WDR72: variants seen among roughly 807,000 people sequenced by gnomAD.
The protein encoded by WDR72 is WD repeat-containing protein 72.
WDR72 carries 120 observed loss-of-function variants against 124.2 expected under a neutral mutation model. That is an observed-to-expected ratio of 0.97 (90% CI 0.83 to 1.12). WDR72 has a LOEUF of 1.12. Among genes scored for constraint, WDR72 ranks in the 50% most tolerant of loss-of-function variants. The pLI is 0.00. For synonymous variants in WDR72, 452 were observed against 441.7 expected (o/e 1.02, Z -0.29); for missense variants, 1,387 against 1,278.8 (o/e 1.08, Z -1.29).
intron 2 of WDR72, among the ~76,000 whole-genome samples, chr15:53,728,702 T>C (rs2018114903): frequency 6.6e-6 from 1 of 152,182 alleles, no homozygotes; most frequent in Non-Finnish European, 1.5e-5. Flanking sequence ...CCTTTCTCTA[T>C]GCTTTTAAGA....
At chr15:53,701,053 C>G (rs2017158380) in intron 12 of WDR72, among the ~76,000 whole-genome samples, 1 of 152,116 alleles carries the variant, frequency 6.6e-6, no homozygotes, top group African/African-American at 2.4e-5. Context: ...TGTCCTTTTA[C>G]TACAGAGGAA....
intron 12 of WDR72, among the ~76,000 whole-genome samples, chr15:53,701,755 A>G (rs1017967743): frequency 6.6e-6 from 1 of 152,104 alleles, no homozygotes; most frequent in South Asian, 2.1e-4. Flanking sequence ...AGATTCCTAT[A>G]TTGTTTGACT....
intron 14 of WDR72, among the ~76,000 whole-genome samples, chr15:53,634,188 A>C (rs749852667): frequency 1.3e-5 from 2 of 152,190 alleles, no homozygotes; most frequent in Non-Finnish European, 2.9e-5. Context: ...TAAACAACAA[A>C]AATAGTCAGT....
chr15:53,708,457 T>C (rs2017446409), intron 9 of WDR72, among the ~76,000 whole-genome samples: 1 of 152,178 alleles, frequency 6.6e-6, no homozygotes. Flanking sequence ...TGACATTTAG[T>C]CCCTATTCAA....
chr15:53,675,209 G>A (rs2016127327), intron 13 of WDR72, among the ~76,000 whole-genome samples: 1 of 152,016 alleles, frequency 6.6e-6, no homozygotes, highest in Admixed American at 6.6e-5. Context: ...CGGGCATGGT[G>A]GCACATGCCT....
chr15:53,604,942 G>T (rs1006785916), intron 17 of WDR72, among the ~76,000 whole-genome samples: 1 of 152,134 alleles, frequency 6.6e-6, no homozygotes, highest in African/African-American at 2.4e-5. Context: ...ATTCCTCAAA[G>T]ACCTAAAGAC....
chr15:53,603,189 A>T (rs1374903256), intron 17 of WDR72, among the ~76,000 whole-genome samples: 2 of 152,176 alleles, frequency 1.3e-5, no homozygotes, highest in Admixed American at 6.6e-5. Context: ...CAACATATGC[A>T]AATCAATAAA....
chr15:53,732,970 G>A (rs772494494), intron 2 of WDR72, 27 bp downstream of exon 2: 1 of 1,613,762 alleles, frequency 6.2e-7, no homozygotes, highest in Non-Finnish European at 8.5e-7. Flanking sequence ...AGTGGTGTCT[G>A]TTTCAATATC....
At chr15:53,753,325 CCCT>C (rs1460812181) in intron 1 of WDR72, among the ~76,000 whole-genome samples, 1 of 152,214 alleles carries the variant, frequency 6.6e-6, no homozygotes, top group Non-Finnish European at 1.5e-5. Flanking sequence ...GGAGAAGCCT[CCCT>C]AATGCCCACG....
chr15:53,621,468 C>T (rs921882700), intron 14 of WDR72, among the ~76,000 whole-genome samples: 1 of 123,886 alleles, frequency 8.1e-6, no homozygotes, highest in South Asian at 2.4e-4. Flanking sequence ...TGATAGAGTA[C>T]TACTCAGCTG....
intron 1 of WDR72, among the ~76,000 whole-genome samples, chr15:53,742,370 C>T (rs549976678): frequency 2.0e-5 from 3 of 152,126 alleles, no homozygotes; most frequent in Admixed American, 1.3e-4. Context: ...GACAGAAGTA[C>T]ACCTGTTGTG....
At position 53,715,318 on chromosome 15, in the gene WDR72, C is replaced by G; in HGVS notation, c.389G>C (p.Cys130Ser). 1 of 1,614,120 alleles carries G rather than the reference C, an allele frequency of 6.2e-7. No individual in the cohort carries two copies. The highest frequency in any genetic ancestry group is 8.5e-7 in the Non-Finnish European group (1 of 1,180,008). The change falls in exon 5 of 20, where the codon TGT (cysteine) becomes TCT (serine). Residue 130 changes from cysteine (C) to serine (S), a missense_variant. Coordinates refer to ENST00000360509, the MANE Select transcript of WDR72 (RefSeq NM_182758.4). ...TATAAGGACATCTTGATATTCTCCA[C>G]AACAAAGAAGCCAGCCTTCTCCTGT... ...RMTGEGWLLC[C>S]GEYQDVLIID...
intron 14 of WDR72, among the ~76,000 whole-genome samples, chr15:53,634,809 C>G (rs138291065): frequency 3.9e-4 from 60 of 152,316 alleles, no homozygotes; most frequent in African/African-American, 1.3e-3. Flanking sequence ...ACTTTCACAA[C>G]CAAGGTGGTG....
intron 13 of WDR72, among the ~76,000 whole-genome samples, chr15:53,674,946 A>G (rs924710455): frequency 4.0e-5 from 6 of 151,432 alleles, no homozygotes; most frequent in African/African-American, 1.5e-4. Flanking sequence ...AATTGAAAGA[A>G]AAAAAAAGGA....
intron 18 of WDR72, among the ~76,000 whole-genome samples, chr15:53,586,012 A>G (rs965375689): frequency 6.6e-6 from 1 of 152,050 alleles, no homozygotes; most frequent in Non-Finnish European, 1.5e-5. Context: ...CTATGCCTTT[A>G]CAGTAATGTG....
chr15:53,704,816 T>TTAAA (rs1555425971), intron 11 of WDR72, among the ~76,000 whole-genome samples, 172 bp downstream of exon 11: 1,574 of 136,160 alleles, frequency 0.012, 41 homozygotes, highest in African/African-American at 0.041. Context: ...ACAGGGAGTT[T>TTAAA]AAAAAAAAAA....
chr15:53,723,978 A>G (rs983412799), intron 2 of WDR72, among the ~76,000 whole-genome samples: 3 of 152,196 alleles, frequency 2.0e-5, no homozygotes, highest in African/African-American at 7.2e-5. Flanking sequence ...CAGCCAAATA[A>G]ATAAAAAAGA....
At chr15:53,579,603 G>T (rs1233329198) in intron 18 of WDR72, among the ~76,000 whole-genome samples, 1 of 152,034 alleles carries the variant, frequency 6.6e-6, no homozygotes, top group Non-Finnish European at 1.5e-5. Flanking sequence ...AAAGAGTCAG[G>T]TGTGAAATAC....
chr15:53,696,017 AGC>A (rs2016993561), intron 13 of WDR72, among the ~76,000 whole-genome samples: 2 of 152,146 alleles, frequency 1.3e-5, no homozygotes, highest in African/African-American at 2.4e-5. Context: ...TTTGGCTTCA[AGC>A]CCCTTTTCCT....
Sources: gnomAD v4.1 joint callset for allele counts (sites outside exome capture counted in the v4.1 genomes callset) on GRCh38, gnomAD v4.1.1 for gene constraint, MANE v1.5 for transcripts, NCBI Gene and HGNC (gene_info 2026-07-23, HGNC 2026-07-21) for gene names.